The following ADAMTSL1 variants were observed in gnomAD, a reference collection of about 807,000 sequenced individuals.
ADAMTSL1 encodes ADAMTS-like protein 1.
A neutral mutation model predicts 201.8 loss-of-function variants in ADAMTSL1; 126 were observed. The ratio of observed to expected loss-of-function variants is 0.62; its 90% CI spans 0.54 to 0.72. The LOEUF is 0.72. Ranked by LOEUF, ADAMTSL1 falls within the 30% of genes least tolerant of loss-of-function variation. The pLI is 0.00. For synonymous variants in ADAMTSL1, 1,121 were observed against 903.4 expected (o/e 1.24, Z -4.32); for missense variants, 2,679 against 2,277.8 (o/e 1.18, Z -3.59).
intron 2 of ADAMTSL1, among the ~76,000 whole-genome samples, chr9:18,332,250 T>C (rs1336381335): frequency 6.6e-6 from 1 of 152,234 alleles, no homozygotes; most frequent in Non-Finnish European, 1.5e-5. Context: ...ACATACACTT[T>C]ATGTACTATT....
At chr9:18,269,749 G>A (rs922560384) in intron 2 of ADAMTSL1, among the ~76,000 whole-genome samples, 1 of 151,898 alleles carries the variant, frequency 6.6e-6, no homozygotes, top group Non-Finnish European at 1.5e-5. Flanking sequence ...GATATTCAAA[G>A]CCAAACCCTA....
chr9:18,450,418 A>G (rs1820359060), intron 2 of ADAMTSL1, among the ~76,000 whole-genome samples: 2 of 152,140 alleles, frequency 1.3e-5, no homozygotes, highest in Admixed American at 6.5e-5. Context: ...AGCTCACTCA[A>G]TTAATGAAAA....
At chr9:18,745,992 A>G (rs1373890573) in intron 15 of ADAMTSL1, among the ~76,000 whole-genome samples, 3 of 152,204 alleles carry the variant, frequency 2.0e-5, no homozygotes, top group Non-Finnish European at 4.4e-5. Context: ...GAGGAAAGGA[A>G]GGAAGAAGAA....
intron 2 of ADAMTSL1, among the ~76,000 whole-genome samples, chr9:18,242,559 A>G (rs1418148466): frequency 6.6e-6 from 1 of 152,148 alleles, no homozygotes; most frequent in Non-Finnish European, 1.5e-5. Context: ...TAAGAAAGGA[A>G]GAAATACAAT....
intron 2 of ADAMTSL1, among the ~76,000 whole-genome samples, chr9:18,527,899 A>G (rs955611499): frequency 3.3e-5 from 5 of 152,146 alleles, no homozygotes; most frequent in African/African-American, 9.7e-5. Context: ...CCCCCTCAAG[A>G]TGGAGTCTTG....
chr9:18,297,537 A>G (rs997034682), intron 2 of ADAMTSL1, among the ~76,000 whole-genome samples: 2 of 152,102 alleles, frequency 1.3e-5, no homozygotes, highest in Admixed American at 6.5e-5. Flanking sequence ...CCACACGAAA[A>G]TTAAAGGGGT....
At chr9:18,764,548 C>G (rs1230468494) in intron 16 of ADAMTSL1, among the ~76,000 whole-genome samples, 1 of 152,188 alleles carries the variant, frequency 6.6e-6, no homozygotes, top group Non-Finnish European at 1.5e-5. Context: ...GACCTTCAAG[C>G]ACATCTTGGA....
chr9:18,526,422 C>A (rs965237036), intron 2 of ADAMTSL1, among the ~76,000 whole-genome samples: 2 of 152,144 alleles, frequency 1.3e-5, no homozygotes, highest in Admixed American at 6.5e-5. Context: ...TTAATTGGAG[C>A]ATTTAGCCCA....
chr9:18,278,181 G>A (rs558757852), intron 2 of ADAMTSL1, among the ~76,000 whole-genome samples: 42 of 152,132 alleles, frequency 2.8e-4, no homozygotes, highest in African/African-American at 9.9e-4. Flanking sequence ...AGAATCAAAA[G>A]GTATTTATGC....
intron 26 of ADAMTSL1, among the ~76,000 whole-genome samples, chr9:18,903,062 A>T (rs1469199337): frequency 2.0e-5 from 3 of 152,030 alleles, no homozygotes; most frequent in Non-Finnish European, 2.9e-5. Context: ...AAAATTAGCC[A>T]GGTGTGTTGG....
intron 2 of ADAMTSL1, among the ~76,000 whole-genome samples, chr9:18,224,104 C>T (rs1440000673): frequency 1.3e-5 from 2 of 151,994 alleles, no homozygotes; most frequent in African/African-American, 2.4e-5. Flanking sequence ...AGAGATTTTT[C>T]CTGCTTCAAC....
chr9:18,430,309 C>G (rs555853144), intron 2 of ADAMTSL1, among the ~76,000 whole-genome samples: 3 of 152,306 alleles, frequency 2.0e-5, no homozygotes, highest in Non-Finnish European at 4.4e-5. Flanking sequence ...TATTATTTTT[C>G]TGTGACCCAC....
chr9:18,306,193 C>T (rs1357428432), intron 2 of ADAMTSL1, among the ~76,000 whole-genome samples: 2 of 152,196 alleles, frequency 1.3e-5, no homozygotes, highest in South Asian at 4.2e-4. Flanking sequence ...CGAAGATCAC[C>T]AACATCAAAG....
rs138420126 is a variant in ADAMTSL1 at position 18,405,049 on chromosome 9, G to T, written c.208-99780G>T. ...CCTTTATTTCCAGCGCTAGACCTCC[G>T]CAACTGGCCCCTAAATACCTGACGT... On this transcript the variant is annotated intron_variant, in intron 2 of 29. Coordinates refer to the ADAMTSL1 transcript ENST00000680146. Among the ~76,000 whole-genome samples, 1,135 of 152,036 alleles carry T rather than the reference G, an allele frequency of 7.5e-3. 20 individuals carry two copies. The highest frequency in any genetic ancestry group is 0.026 in the African/African-American group (1,079 of 41,468).
intron 3 of ADAMTSL1, among the ~76,000 whole-genome samples, chr9:18,540,919 C>G (rs1288266650): frequency 2.0e-5 from 3 of 152,174 alleles, no homozygotes; most frequent in African/African-American, 7.2e-5. Flanking sequence ...TGCTGCTTCA[C>G]CCTGCCACAG....
At chr9:18,133,186 G>C (rs982542439) in intron 1 of ADAMTSL1, among the ~76,000 whole-genome samples, 1 of 152,142 alleles carries the variant, frequency 6.6e-6, no homozygotes, top group African/African-American at 2.4e-5. Flanking sequence ...GGATTAAGGA[G>C]TCAGGGTTCA....
At chr9:18,744,691 T>C (rs553702702) in intron 15 of ADAMTSL1, among the ~76,000 whole-genome samples, 1 of 152,362 alleles carries the variant, frequency 6.6e-6, no homozygotes, top group African/African-American at 2.4e-5. Flanking sequence ...TATGAGTGAA[T>C]TGTTAAGTAA....
chr9:18,795,158 G>A (rs1035581919), intron 19 of ADAMTSL1, among the ~76,000 whole-genome samples: 13 of 151,816 alleles, frequency 8.6e-5, no homozygotes, highest in Non-Finnish European at 1.8e-4. Context: ...TTTAGATCAA[G>A]TAATCCACAG....
At chr9:18,231,464 C>T (rs895710418) in intron 2 of ADAMTSL1, among the ~76,000 whole-genome samples, 2 of 152,174 alleles carry the variant, frequency 1.3e-5, no homozygotes, top group Non-Finnish European at 2.9e-5. Flanking sequence ...CAGGAAAACA[C>T]GTTCTCTTGG....
Sources: gnomAD v4.1 joint callset for allele counts (sites outside exome capture counted in the v4.1 genomes callset) on GRCh38, gnomAD v4.1.1 for gene constraint, MANE v1.5 for transcripts, NCBI Gene and HGNC (gene_info 2026-07-23, HGNC 2026-07-21) for gene names.